Variants in SEMA3D observed in about 807,000 individuals in gnomAD.
SEMA3D encodes the protein semaphorin 3D, also known as semaphorin-3D.
A neutral mutation model predicts 100.1 loss-of-function variants in SEMA3D; 84 were observed. The ratio of observed to expected loss-of-function variants is 0.84; its 90% CI spans 0.70 to 1.01. SEMA3D has a LOEUF of 1.01. SEMA3D is among the 50% of genes least tolerant of loss of function. The probability of loss-of-function intolerance (pLI) is 0.00; values close to 1 mark genes in which losing one functional copy is unlikely to be tolerated. For synonymous variants in SEMA3D, 312 were observed against 320.7 expected (o/e 0.97, Z 0.29); for missense variants, 875 against 934.1 (o/e 0.94, Z 0.82).
chr7:85,103,274 A>T (rs1363189070), intron 3 of SEMA3D, among the ~76,000 whole-genome samples: 1 of 152,060 alleles, frequency 6.6e-6, no homozygotes, highest in Non-Finnish European at 1.5e-5. Flanking sequence ...GATTTCATAA[A>T]TCAGAAATGG....
intron 1 of SEMA3D, among the ~76,000 whole-genome samples, chr7:85,185,750 A>G (rs1791523175): frequency 1.3e-5 from 2 of 152,178 alleles, no homozygotes; most frequent in African/African-American, 4.8e-5. Flanking sequence ...AACTCGAGTC[A>G]TCAGAGAAGG....
intron 17 of SEMA3D, among the ~76,000 whole-genome samples, chr7:85,007,908 GCTTCTTTT>G (rs998578507): frequency 1.3e-5 from 2 of 151,738 alleles, no homozygotes; most frequent in African/African-American, 4.8e-5. Flanking sequence ...TATTAGTTAG[GCTTCTTTT>G]CAAGAAACTA....
At position 85,128,591 on chromosome 7, in the gene SEMA3D, A is replaced by T. The variant is rs542392153; in HGVS notation, c.-40-6660T>A. ...GGCAAATATCCAAAAATTTTAATTT[A>T]TTCCTTTCTGAAATTCACATTCAGT... On this transcript the variant is annotated intron_variant, in intron 2 of 18. Transcript: ENST00000284136. 1.4e-3 allele frequency among the ~76,000 whole-genome samples: 214 copies of T among 152,148 alleles called. 6 individuals are homozygous for T. In the South Asian group the frequency reaches 0.042, roughly 30 times the overall value.
the SEMA3D span, among the ~76,000 whole-genome samples, chr7:85,222,301 AT>A: frequency 5.6e-5 from 8 of 142,850 alleles, no homozygotes; most frequent in African/African-American, 2.4e-4. Flanking sequence ...TCAAATTAAC[AT>A]GAAAAAAAAA....
At chr7:85,168,828 AG>A (rs1790993377) in intron 1 of SEMA3D, among the ~76,000 whole-genome samples, 1 of 41,934 alleles carries the variant, frequency 2.4e-5, no homozygotes, top group Non-Finnish European at 4.3e-5. Context: ...GATGAAAGAA[AG>A]AAAGAAAGAA....
chr7:84,999,977 C>T, intron 18 of SEMA3D, 112 bp from the exon 19 acceptor site: 1 of 825,746 alleles, frequency 1.2e-6, no homozygotes, highest in Non-Finnish European at 1.9e-6. Flanking sequence ...TATTCATTGT[C>T]TCTCTGTCTC....
At chr7:85,149,187 G>C (rs1790295998) in intron 2 of SEMA3D, among the ~76,000 whole-genome samples, 1 of 152,108 alleles carries the variant, frequency 6.6e-6, no homozygotes, top group African/African-American at 2.4e-5. Context: ...GCTCATGCCT[G>C]TAATCTCAGC....
At chr7:85,024,576 GA>G (rs1298025140) in intron 12 of SEMA3D, among the ~76,000 whole-genome samples, 5 of 151,894 alleles carry the variant, frequency 3.3e-5, no homozygotes, top group African/African-American at 9.6e-5. Flanking sequence ...ATCTAAGGCG[GA>G]AAAAAAGGAA....
intron 1 of SEMA3D, among the ~76,000 whole-genome samples, chr7:85,154,314 T>C (rs923763713): frequency 3.3e-5 from 5 of 152,116 alleles, no homozygotes; most frequent in African/African-American, 1.2e-4. Flanking sequence ...TAACTCTTAG[T>C]GGTTGACAAC....
At chr7:85,066,913 C>CATACACACACACAGAGAGAGAGAGAGAG in intron 7 of SEMA3D, among the ~76,000 whole-genome samples, 27 of 127,820 alleles carry the variant, frequency 2.1e-4, no homozygotes, top group East Asian at 7.1e-4. Context: ...CACACACACA[C>CATACACACACACAGAGAGAGAGAGAGAG]AGAGAGAGAG....
chr7:85,116,886 T>A (rs1440913459), intron 3 of SEMA3D, among the ~76,000 whole-genome samples: 3 of 152,168 alleles, frequency 2.0e-5, no homozygotes, highest in African/African-American at 7.2e-5. Flanking sequence ...AGGTGTCTTT[T>A]ATAAAAAGTA....
At chr7:85,195,205 C>T in the SEMA3D span, among the ~76,000 whole-genome samples, 1 of 152,026 alleles carries the variant, frequency 6.6e-6, no homozygotes, top group Non-Finnish European at 1.5e-5. Context: ...TAAAAATCCC[C>T]CTTATTCTGC....
the SEMA3D span, among the ~76,000 whole-genome samples, chr7:85,236,779 A>C: frequency 3.3e-5 from 5 of 152,178 alleles, no homozygotes; most frequent in African/African-American, 1.2e-4. Flanking sequence ...TTTAACTATC[A>C]ATTGCATTCT....
intron 14 of SEMA3D, among the ~76,000 whole-genome samples, chr7:85,019,525 A>C (rs1216502283): frequency 6.6e-6 from 1 of 151,770 alleles, no homozygotes; most frequent in African/African-American, 2.4e-5. Context: ...TTTACATGGA[A>C]ACAATCCATT....
intron 12 of SEMA3D, among the ~76,000 whole-genome samples, chr7:85,035,331 T>C (rs1790664220): frequency 6.6e-6 from 1 of 151,870 alleles, no homozygotes; most frequent in African/African-American, 2.4e-5. Context: ...TCTTTATATG[T>C]GCATATAGAT....
rs1387031560 is a variant in SEMA3D, at chr7:85,048,782, C to G, written c.862-6497G>C. On this transcript the variant is annotated intron_variant, in intron 9 of 18. Transcript: ENST00000284136. ...TTAAAAATACGGTTGAGAGTTTTCACATAACCATATTTGGCAGTCAACTCC... is the reference window on the plus strand; with the variant it reads ...TTAAAAATACGGTTGAGAGTTTTCAGATAACCATATTTGGCAGTCAACTCC... Among the ~76,000 whole-genome samples the G allele has an allele frequency of 2.6e-5, 4 of 151,776 alleles. No homozygotes were observed. In the East Asian group the frequency reaches 5.8e-4, roughly 22 times the overall value.
chr7:85,221,813 C>T, the SEMA3D span, among the ~76,000 whole-genome samples: 2 of 151,914 alleles, frequency 1.3e-5, no homozygotes, highest in African/African-American at 4.8e-5. Flanking sequence ...ACTTAAATGT[C>T]AAATTCTCCT....
intron 1 of SEMA3D, among the ~76,000 whole-genome samples, chr7:85,186,335 A>T (rs145787829): frequency 1.0e-3 from 156 of 152,278 alleles, no homozygotes; most frequent in African/African-American, 3.5e-3. Flanking sequence ...CCAGGAAGCC[A>T]GGGAGAGAGC....
At chr7:85,099,688 T>G (rs1788683506) in intron 3 of SEMA3D, among the ~76,000 whole-genome samples, 2 of 151,926 alleles carry the variant, frequency 1.3e-5, no homozygotes, top group Non-Finnish European at 2.9e-5. Context: ...TTCATTAGCA[T>G]TTGGTGGTAT....
Sources: gnomAD v4.1 joint callset for allele counts (sites outside exome capture counted in the v4.1 genomes callset) on GRCh38, gnomAD v4.1.1 for gene constraint, MANE v1.5 for transcripts, NCBI Gene and HGNC (gene_info 2026-07-23, HGNC 2026-07-21) for gene names.